The following TRIM25 variants were observed in gnomAD, a reference collection of about 807,000 sequenced individuals.
The protein encoded by TRIM25 is tripartite motif containing 25, also known as E3 ubiquitin/ISG15 ligase TRIM25.
Under a neutral mutation model 65.2 loss-of-function variants are expected in TRIM25, and 45 were observed. That is an observed-to-expected ratio of 0.69 (90% CI 0.54 to 0.89). The LOEUF (loss-of-function observed/expected upper bound fraction) is 0.89. TRIM25 is among the 40% of genes least tolerant of loss of function. The probability of loss-of-function intolerance (pLI) is 0.00; values close to 1 mark genes in which losing one functional copy is unlikely to be tolerated. For missense variants in TRIM25, 714 were observed against 803.7 expected (o/e 0.89, Z 1.35); for synonymous variants, 321 against 340.4 (o/e 0.94, Z 0.63).
At chr17:56,906,295 G>T (rs1188498900) in intron 2 of TRIM25, among the ~76,000 whole-genome samples, 2 of 152,174 alleles carry the variant, frequency 1.3e-5, no homozygotes, top group Non-Finnish European at 2.9e-5. Context: ...CCAGATGCTG[G>T]AAGCATGCTC....
At position 56,913,846 on chromosome 17, in the gene TRIM25, T is replaced by A. The variant is rs1306193005; in HGVS notation, c.143A>T (p.Tyr48Phe). Residue 48 changes from tyrosine (Y) to phenylalanine (F), a missense_variant, in exon 1 of 9, where the codon TAC (tyrosine) becomes TTC (phenylalanine). Transcript: ENST00000316881. This position sits in a 1 kb window ranked among gnomAD's most constrained non-coding sequence, Gnocchi z 6.1. Reference sequence around the variant, plus strand: ...GACGGCGCGGCACTGCGGGCACAGGTATGGCGAGCCCTGGACTGCCCACGT... The same window carrying A: ...GACGGCGCGGCACTGCGGGCACAGGAATGGCGAGCCCTGGACTGCCCACGT... Reference protein sequence around the residue: ...NETWAVQGSPYLCPQCRAVYQ... With the variant: ...NETWAVQGSPFLCPQCRAVYQ... The A allele has an allele frequency of 6.4e-7, 1 of 1,561,390 alleles. No individual in the cohort carries two copies. The highest frequency in any genetic ancestry group is 1.4e-5 in the African/African-American group (1 of 73,458).
Position 56,908,505 on chromosome 17 carries a change from G to A in TRIM25, c.656C>T (p.Ala219Val). ...CTGCCTGTTTCTCACATCATCCAGTGCTCTCGACGCCCCGTTGATCTGACT... is the reference window on the plus strand; with the variant it reads ...CTGCCTGTTTCTCACATCATCCAGTACTCTCGACGCCCCGTTGATCTGACT... ...MYSQINGASRALDDVRNRQQD... is the reference protein window; with the variant it reads ...MYSQINGASRVLDDVRNRQQD... The change falls in exon 2 of 9, where the codon GCA (alanine) becomes GTA (valine). Residue 219 changes from alanine to valine, a missense_variant. Physicochemically the swap from Ala to Val is moderately conservative, Grantham distance 64. Transcript: ENST00000316881. The A allele has an allele frequency of 6.2e-7, 1 of 1,614,050 alleles. No individual in the cohort carries two copies. Among genetic ancestry groups the A allele is most frequent in the Non-Finnish European group, 8.5e-7 (1 of 1,180,042 alleles).
At chr17:56,911,052 G>C (rs913848863) in intron 1 of TRIM25, among the ~76,000 whole-genome samples, 2 of 152,004 alleles carry the variant, frequency 1.3e-5, no homozygotes, top group Non-Finnish European at 2.9e-5. Context: ...ATCCCTTGAG[G>C]TTGGGAGTTC....
In TRIM25 at chr17:56,889,892, C is replaced by A; in HGVS notation, c.*1808G>T. The A allele has an allele frequency of 2.5e-6, 1 of 398,594 alleles. No individual in the cohort carries two copies. The highest frequency in any genetic ancestry group is 4.4e-5 in the Admixed American group (1 of 22,734). The allele number at this position is 398,594 out of a possible 1,614,324, so 24.7% of individuals were successfully genotyped here. On this transcript the variant is annotated 3_prime_UTR_variant, in exon 9 of 9. Coordinates refer to ENST00000316881, the MANE Select transcript of TRIM25 (RefSeq NM_005082.5). ...GTAAAGGAATAAAACTTCTAAGGAC[C>A]ACATATCACCTATTGCAGGGATGTC... is the stretch of plus-strand genomic sequence containing the variant.
rs1909671662 is a variant in TRIM25 at position 56,913,533 on chromosome 17, C to T, written c.456G>A (p.Leu152=). Residue 152 remains leucine (L), a synonymous_variant, in exon 1 of 9, where the codon CTG becomes CTA. Transcript: ENST00000316881. This position sits in a 1 kb window ranked among gnomAD's most constrained non-coding sequence, Gnocchi z 6.1. ...TGTGCTGGGAACATTTGCGGCGCAA[C>T]AGGTCGCGAACGGGCGGCTGCAGCG... ...DHPLQPPVRD[L]LRRKCSQHNR... is the part of the protein sequence containing the mutation. 1.2e-6 allele frequency: 2 copies of T among 1,613,710 alleles called. No individual in the cohort carries two copies. Among genetic ancestry groups the T allele is most frequent in the African/African-American group, 2.7e-5 (2 of 74,922 alleles).
chr17:56,899,250 G>A (rs1909362403), intron 4 of TRIM25, 70 bp from the exon 5 acceptor site: 1 of 1,550,496 alleles, frequency 6.4e-7, no homozygotes, highest in Admixed American at 1.7e-5. Context: ...CTTTGCCATG[G>A]GTCGGTGGGC....
chr17:56,901,345 A>T, intron 4 of TRIM25, 74 bp downstream of exon 4: 1 of 1,505,414 alleles, frequency 6.6e-7, no homozygotes, highest in African/African-American at 1.4e-5. Context: ...CCAATCTCCC[A>T]TCCCAAAACA....
Position 56,892,098 on chromosome 17 carries a change from A to G in TRIM25, c.1495T>C (p.Ser499Pro). Residue 499 changes from serine to proline, a missense_variant, in exon 9 of 9, where the codon TCT becomes CCT. Physicochemically the swap from Ser to Pro is moderately conservative, Grantham distance 74 (BLOSUM62 -1). Transcript: ENST00000316881. ...RPHPQRFTYC[S>P]QVLGLHCYKK... The stretch of plus-strand genomic sequence containing the variant: ...TAGCAGTGCAGGCCCAGCACCTGAG[A>G]GCAGTATGTGAACCTCTGGGGATGC... 1 of 1,614,176 alleles carries G rather than the reference A, an allele frequency of 6.2e-7. No individual in the cohort carries two copies. The highest frequency in any genetic ancestry group is 1.1e-5 in the South Asian group (1 of 91,082).
Position 56,895,520 on chromosome 17 carries a change from C to A in TRIM25, c.1264+1G>T. The A allele has an allele frequency of 6.2e-7, 1 of 1,611,082 alleles. No individual in the cohort carries two copies. Among genetic ancestry groups the A allele is most frequent in the Non-Finnish European group, 8.5e-7 (1 of 1,177,834 alleles). The stretch of plus-strand genomic sequence containing the variant: ...AAAGCTCCTTGCCCATGATAACTTA[C>A]CCTCCAAGCCAGCTTGTTTTAAATC... On this transcript the variant is annotated splice_donor_variant, in intron 7 of 8. Coordinates refer to ENST00000316881, the MANE Select transcript of TRIM25 (RefSeq NM_005082.5). LOFTEE classifies it high-confidence loss of function.
At chr17:56,892,299 TGGTA>T in intron 8 of TRIM25, 70 bp from the exon 9 acceptor site, 2 of 1,496,264 alleles carry the variant, frequency 1.3e-6, no homozygotes, top group Non-Finnish European at 1.8e-6. Flanking sequence ...TTTGCCAAAG[TGGTA>T]CTATTTATTC....
rs773040177 is a variant in TRIM25 at position 56,895,457 on chromosome 17, G to A, written c.1265-16C>T. On this transcript the variant is annotated splice_polypyrimidine_tract_variant and intron_variant, in intron 7 of 8. Coordinates refer to ENST00000316881, the MANE Select transcript of TRIM25 (RefSeq NM_005082.5). ...TTGGCTGCAGCTGGGAGAGGAAACAGAGAGTGATTTGCAGAACAAACTCAG... is the reference window on the plus strand; with the variant it reads ...TTGGCTGCAGCTGGGAGAGGAAACAAAGAGTGATTTGCAGAACAAACTCAG... The A allele has an allele frequency of 1.9e-6, 3 of 1,614,044 alleles. No homozygotes were observed. The highest frequency in any genetic ancestry group is 1.7e-6 in the Non-Finnish European group (2 of 1,179,914).
At chr17:56,907,905 G>A (rs897676016) in intron 2 of TRIM25, among the ~76,000 whole-genome samples, 1 of 152,200 alleles carries the variant, frequency 6.6e-6, no homozygotes, top group Non-Finnish European at 1.5e-5. Flanking sequence ...GAAGACAGAG[G>A]CAGAGATCAG....
At chr17:56,911,472 C>A (rs536316237) in intron 1 of TRIM25, among the ~76,000 whole-genome samples, 1 of 150,982 alleles carries the variant, frequency 6.6e-6, no homozygotes, top group East Asian at 1.9e-4. Flanking sequence ...CCCAGCTGCT[C>A]GGGAGGTTGA....
intron 3 of TRIM25, among the ~76,000 whole-genome samples, chr17:56,902,442 A>G (rs950008972): frequency 1.3e-5 from 2 of 152,212 alleles, no homozygotes; most frequent in Non-Finnish European, 2.9e-5. Context: ...CATCTGAAAC[A>G]ACATCACCCA....
At chr17:56,893,899 C>A (rs1875681259) in intron 8 of TRIM25, among the ~76,000 whole-genome samples, 1 of 152,184 alleles carries the variant, frequency 6.6e-6, no homozygotes, top group Non-Finnish European at 1.5e-5. Context: ...CTCAGAGCTG[C>A]CTGGGTCAAG....
In TRIM25 at chr17:56,892,038, G is replaced by T; in HGVS notation, c.1555C>A (p.Gln519Lys). Residue 519 changes from glutamine (Q) to lysine (K), a missense_variant, in exon 9 of 9, where the codon CAG becomes AAG. Around this residue, in one of 3 missense-constraint regions of TRIM25, gnomAD observed 413 missense variants for 498.2 expected, o/e 0.83. Transcript: ENST00000316881. ...KGIHYWEVEL[Q>K]KNNFCGVGIC... ...CCTACCCCACAGAAGTTGTTCTTCT[G>T]CAGCTCCACCTCCCAGTAGTGGATC... The T allele has an allele frequency of 1.2e-6, 2 of 1,614,162 alleles. No individual in the cohort carries two copies. The highest frequency in any genetic ancestry group is 8.5e-7 in the Non-Finnish European group (1 of 1,180,028).
At chr17:56,902,839 G>A (rs1598076006) in intron 3 of TRIM25, among the ~76,000 whole-genome samples, 1 of 152,184 alleles carries the variant, frequency 6.6e-6, no homozygotes, top group African/African-American at 2.4e-5. Flanking sequence ...GTGTCGTGGG[G>A]GTGGATTCCC....
At position 56,914,021 on chromosome 17, in the gene TRIM25, A is replaced by C. The variant is rs757559232; in HGVS notation, c.-33T>G. On this transcript the variant is annotated 5_prime_UTR_variant, in exon 1 of 9. Transcript: ENST00000316881. ...CCAGGGGTCGGGACACAACTGCTGC[A>C]CCCGCGCTCCGAGGCCGCCGAGGAA... 12 of 1,413,134 alleles carry C rather than the reference A, an allele frequency of 8.5e-6. No homozygotes were observed. Among genetic ancestry groups the C allele is most frequent in the Non-Finnish European group, 1.0e-5 (11 of 1,073,356 alleles). 87.5% of individuals were successfully genotyped at this position (1,413,134 alleles called of 1,614,324 possible). A position where few individuals can be genotyped will look rare whatever the true frequency, so the allele number is the denominator to read the frequency against.
intron 8 of TRIM25, among the ~76,000 whole-genome samples, chr17:56,893,757 C>G (rs548361815): frequency 6.6e-6 from 1 of 152,324 alleles, no homozygotes; most frequent in South Asian, 2.1e-4. Context: ...TGGATGGAAA[C>G]CCAGGGGGGT....
Sources: allele counts gnomAD v4.1 joint callset (sites outside exome capture counted in the v4.1 genomes callset), GRCh38; gene constraint gnomAD v4.1.1; regional missense constraint gnomAD v4.1.1; non-coding constraint Gnocchi (gnomAD v3.1); transcripts MANE v1.5; gene names NCBI Gene and HGNC (gene_info 2026-07-23, HGNC 2026-07-21).